SLC24A2: variants seen among roughly 807,000 people sequenced by gnomAD.
SLC24A2 encodes sodium/potassium/calcium exchanger 2.
Under a neutral mutation model 62.0 loss-of-function variants are expected in SLC24A2, and 36 were observed. The ratio of observed to expected loss-of-function variants is 0.58; its 90% CI spans 0.44 to 0.77. The LOEUF is 0.77. Among genes scored for constraint, SLC24A2 ranks in the 30% least tolerant of loss-of-function variants. The probability of loss-of-function intolerance (pLI) is 0.00; values close to 1 mark genes in which losing one functional copy is unlikely to be tolerated. For missense variants in SLC24A2, 846 were observed against 817.9 expected (o/e 1.03, Z -0.42); for synonymous variants, 358 against 294.0 (o/e 1.22, Z -2.23).
intron 8 of SLC24A2, among the ~76,000 whole-genome samples, chr9:19,536,444 A>C (rs1252676711): frequency 3.6e-5 from 4 of 110,150 alleles, no homozygotes; most frequent in African/African-American, 1.4e-4. Context: ...GAGTGAGAAT[A>C]TGCGGCGTTT....
chr9:19,977,111 A>ATT, the SLC24A2 span, among the ~76,000 whole-genome samples: 1 of 85,642 alleles, frequency 1.2e-5, no homozygotes, highest in Non-Finnish European at 2.5e-5. Flanking sequence ...ACATTTCTAT[A>ATT]TTTGTGTGTG....
intron 10 of SLC24A2, among the ~76,000 whole-genome samples, chr9:19,520,120 T>C (rs772214794): frequency 3.9e-5 from 6 of 152,192 alleles, no homozygotes; most frequent in Non-Finnish European, 7.3e-5. Flanking sequence ...ATTTAAGATA[T>C]TCAATGAGAA....
chr9:19,831,899 G>C, the SLC24A2 span, among the ~76,000 whole-genome samples: 6 of 152,202 alleles, frequency 3.9e-5, no homozygotes, highest in African/African-American at 1.2e-4. Context: ...AGTAACTCTA[G>C]AAGTAAACAT....
chr9:20,025,139 G>T, the SLC24A2 span, among the ~76,000 whole-genome samples: 43 of 152,198 alleles, frequency 2.8e-4, 1 homozygote, highest in African/African-American at 8.2e-4. Flanking sequence ...GTATTTTCTA[G>T]TCTATTCTAT....
intron 5 of SLC24A2, among the ~76,000 whole-genome samples, chr9:19,591,801 A>C (rs1219475836): frequency 2.0e-5 from 3 of 152,208 alleles, no homozygotes; most frequent in Non-Finnish European, 4.4e-5. Flanking sequence ...TTGAGAGAAA[A>C]ATAAACTTCC....
intron 2 of SLC24A2, among the ~76,000 whole-genome samples, chr9:19,716,009 A>G (rs559706369): frequency 1.3e-5 from 2 of 152,312 alleles, no homozygotes; most frequent in African/African-American, 4.8e-5. Context: ...TTAACAATAT[A>G]TGGGCAAAAT....
chr9:19,628,177 G>A (rs1818082569), intron 2 of SLC24A2, among the ~76,000 whole-genome samples: 1 of 152,122 alleles, frequency 6.6e-6, no homozygotes, highest in Non-Finnish European at 1.5e-5. Context: ...GCAATTAAGA[G>A]GCCTGGGTGA....
intron 8 of SLC24A2, among the ~76,000 whole-genome samples, chr9:19,545,032 G>A (rs1481101373): frequency 1.3e-5 from 2 of 152,132 alleles, no homozygotes; most frequent in African/African-American, 4.8e-5. Context: ...TTCCAACTTG[G>A]TTCCATTCTC....
the SLC24A2 span, among the ~76,000 whole-genome samples, chr9:20,181,380 A>T: frequency 5.9e-5 from 9 of 152,192 alleles, no homozygotes; most frequent in Admixed American, 5.2e-4. Context: ...AGATGACTTC[A>T]AACTATGCTA....
chr9:19,619,436 C>T, intron 4 of SLC24A2, 148 bp downstream of exon 4: 1 of 761,822 alleles, frequency 1.3e-6, no homozygotes. Flanking sequence ...TAAAGCACGT[C>T]AAAGGGCCAG....
intron 2 of SLC24A2, among the ~76,000 whole-genome samples, chr9:19,653,675 T>G (rs1818862721): frequency 1.3e-5 from 2 of 152,190 alleles, no homozygotes; most frequent in Admixed American, 1.3e-4. Context: ...AGTCCTGACT[T>G]TAACGTTGTC....
At chr9:20,076,880 T>C in the SLC24A2 span, among the ~76,000 whole-genome samples, 4,249 of 120,522 alleles carry the variant, frequency 0.035, 195 homozygotes, top group African/African-American at 0.13. Flanking sequence ...TATATATATA[T>C]ACATATCATA....
At chr9:20,046,655 T>C in the SLC24A2 span, among the ~76,000 whole-genome samples, 1 of 152,192 alleles carries the variant, frequency 6.6e-6, no homozygotes, top group South Asian at 2.1e-4. Flanking sequence ...CTCTATAGTC[T>C]TCAGAATGAG....
At chr9:20,196,363 A>G in the SLC24A2 span, among the ~76,000 whole-genome samples, 4 of 152,232 alleles carry the variant, frequency 2.6e-5, no homozygotes, top group African/African-American at 9.6e-5. Context: ...TCTCCACAGG[A>G]CTGCACTTGC....
chr9:19,663,933 CCTT>C (rs1474277184), intron 2 of SLC24A2, among the ~76,000 whole-genome samples: 1 of 152,186 alleles, frequency 6.6e-6, no homozygotes, highest in Admixed American at 6.5e-5. Flanking sequence ...TCCTGTCTCT[CCTT>C]CTAATAAGCA....
the SLC24A2 span, among the ~76,000 whole-genome samples, chr9:20,108,943 A>G: frequency 6.6e-6 from 1 of 152,226 alleles, no homozygotes; most frequent in Non-Finnish European, 1.5e-5. Context: ...AATAGAGCAC[A>G]TATACTGACA....
At chr9:19,615,994 GCACACA>G (rs3220155) in intron 4 of SLC24A2, among the ~76,000 whole-genome samples, 15,534 of 140,608 alleles carry the variant, frequency 0.11, 881 homozygotes, top group South Asian at 0.17. Context: ...TCACAGGCGT[GCACACA>G]CACACACACA....
the SLC24A2 span, among the ~76,000 whole-genome samples, chr9:20,204,755 T>G: frequency 3.3e-5 from 5 of 151,242 alleles, no homozygotes; most frequent in Admixed American, 3.3e-4. Flanking sequence ...TTTTTTTTTT[T>G]TTTTTTGAGA....
chr9:20,031,985 C>T, the SLC24A2 span, among the ~76,000 whole-genome samples: 1 of 152,158 alleles, frequency 6.6e-6, no homozygotes, highest in Non-Finnish European at 1.5e-5. Context: ...TTGAGAGGGA[C>T]ACAATTCAGA....
Sources: gnomAD v4.1 joint callset for allele counts (sites outside exome capture counted in the v4.1 genomes callset) on GRCh38, gnomAD v4.1.1 for gene constraint, MANE v1.5 for transcripts, NCBI Gene and HGNC (gene_info 2026-07-23, HGNC 2026-07-21) for gene names.